THSD7B: variants seen among roughly 807,000 people sequenced by gnomAD.
The protein encoded by THSD7B is thrombospondin type-1 domain-containing protein 7B.
A neutral mutation model predicts 213.6 loss-of-function variants in THSD7B; 138 were observed. The observed-to-expected ratio is 0.65, with a 90% CI of 0.56 to 0.74. The LOEUF (loss-of-function observed/expected upper bound fraction) is 0.74, where lower values mean the gene tolerates loss of function less well. THSD7B is among the 30% of genes least tolerant of loss of function. The pLI is 0.00. For missense variants in THSD7B, 1,931 were observed against 1,991.5 expected, an observed-to-expected ratio of 0.97 and a Z score of 0.58; for synonymous variants, 742 against 687.0, an observed-to-expected ratio of 1.08 and a Z score of -1.25.
chr2:137,131,522 G>T (rs1254947396), intron 5 of THSD7B, among the ~76,000 whole-genome samples: 4 of 152,122 alleles, frequency 2.6e-5, no homozygotes, highest in Non-Finnish European at 4.4e-5. Context: ...GGTCTAACAG[G>T]TAAGTCTTTA....
intron 7 of THSD7B, among the ~76,000 whole-genome samples, chr2:137,215,177 C>T (rs1042408835): frequency 3.3e-5 from 5 of 152,124 alleles, no homozygotes; most frequent in East Asian, 3.9e-4. Flanking sequence ...ATTTCTCTAA[C>T]GACCAGTGAT....
chr2:136,876,320 T>A (rs6753914), intron 1 of THSD7B, among the ~76,000 whole-genome samples: 22,986 of 152,240 alleles, frequency 0.15, 2,137 homozygotes, highest in East Asian at 0.42. Flanking sequence ...CTTTGTAGGA[T>A]TCACCAGGAA....
chr2:137,613,918 T>C (rs1269866880), intron 17 of THSD7B, among the ~76,000 whole-genome samples: 1 of 152,150 alleles, frequency 6.6e-6, no homozygotes, highest in African/African-American at 2.4e-5. Context: ...ACATTAAACT[T>C]TCTATAAATA....
At chr2:136,766,691 C>G (rs1176423719) in intron 1 of THSD7B, among the ~76,000 whole-genome samples, 1 of 152,156 alleles carries the variant, frequency 6.6e-6, no homozygotes, top group South Asian at 2.1e-4. Context: ...TCAGAGCTTC[C>G]CATAAGAGGT....
At chr2:136,797,343 T>C (rs979793490) in intron 1 of THSD7B, among the ~76,000 whole-genome samples, 1 of 151,926 alleles carries the variant, frequency 6.6e-6, no homozygotes, top group African/African-American at 2.4e-5. Context: ...CCACACAAAT[T>C]AAATAACCCT....
At chr2:137,277,568 C>T (rs1469398615) in intron 12 of THSD7B, among the ~76,000 whole-genome samples, 3 of 152,088 alleles carry the variant, frequency 2.0e-5, no homozygotes, top group Non-Finnish European at 4.4e-5. Flanking sequence ...TGAGATCAAT[C>T]TCCTTTATAA....
intron 3 of THSD7B, among the ~76,000 whole-genome samples, chr2:137,093,264 A>AT (rs10654768): frequency 7.9e-5 from 12 of 152,002 alleles, no homozygotes; most frequent in African/African-American, 1.7e-4. Flanking sequence ...CCTTGTATCT[A>AT]CGTTCCTCCT....
intron 2 of THSD7B, among the ~76,000 whole-genome samples, chr2:136,997,350 A>T (rs755809081): frequency 6.6e-6 from 1 of 152,240 alleles, no homozygotes; most frequent in Admixed American, 6.5e-5. Flanking sequence ...ATAAGACAAC[A>T]TCTACGTGCT....
intron 12 of THSD7B, among the ~76,000 whole-genome samples, chr2:137,285,920 A>G (rs894607269): frequency 6.6e-6 from 1 of 151,920 alleles, no homozygotes; most frequent in Non-Finnish European, 1.5e-5. Context: ...CCTGACCAAC[A>G]TGGTGAAACC....
intron 5 of THSD7B, among the ~76,000 whole-genome samples, chr2:137,141,204 G>C (rs1679578558): frequency 6.6e-6 from 1 of 152,122 alleles, no homozygotes; most frequent in South Asian, 2.1e-4. Flanking sequence ...TTGAGATTTA[G>C]TTGAGTGACA....
chr2:137,132,965 A>C (rs1688769156), intron 5 of THSD7B, among the ~76,000 whole-genome samples: 1 of 152,222 alleles, frequency 6.6e-6, no homozygotes, highest in South Asian at 2.1e-4. Flanking sequence ...CTCTCTTTAC[A>C]AAACACTGAC....
chr2:137,000,952 A>T (rs1685988095), intron 2 of THSD7B, among the ~76,000 whole-genome samples: 1 of 152,034 alleles, frequency 6.6e-6, no homozygotes, highest in African/African-American at 2.4e-5. Context: ...TGCTTATTTT[A>T]CTCTCATGAG....
intron 20 of THSD7B, among the ~76,000 whole-genome samples, chr2:137,629,342 C>A (rs1365966840): frequency 6.6e-6 from 1 of 152,192 alleles, no homozygotes; most frequent in African/African-American, 2.4e-5. Flanking sequence ...TGTACCAAGT[C>A]ACTGAAACAT....
intron 2 of THSD7B, among the ~76,000 whole-genome samples, chr2:136,948,968 TA>T (rs963274861): frequency 3.3e-5 from 5 of 152,106 alleles, no homozygotes; most frequent in African/African-American, 1.2e-4. Flanking sequence ...ATTGGTTTTT[TA>T]AAAAAAATTG....
chr2:137,549,119 C>T (rs557653777), intron 15 of THSD7B, among the ~76,000 whole-genome samples: 7 of 152,020 alleles, frequency 4.6e-5, no homozygotes, highest in African/African-American at 1.4e-4. Flanking sequence ...GGCTTAAACT[C>T]ATTCTCCTCC....
At chr2:137,585,800 A>T (rs1573726326) in intron 17 of THSD7B, among the ~76,000 whole-genome samples, 2 of 152,300 alleles carry the variant, frequency 1.3e-5, no homozygotes, top group East Asian at 3.9e-4. Context: ...TGGTTCTGAG[A>T]AGAATGTATA....
intron 1 of THSD7B, among the ~76,000 whole-genome samples, chr2:136,857,723 AT>A (rs1328013305): frequency 6.6e-6 from 1 of 152,230 alleles, no homozygotes; most frequent in Non-Finnish European, 1.5e-5. Context: ...GAAGGTTCAG[AT>A]CTGGGTTGCT....
chr2:137,220,243 GAAA>G (rs3083552), intron 7 of THSD7B, among the ~76,000 whole-genome samples: 12 of 149,954 alleles, frequency 8.0e-5, no homozygotes, highest in African/African-American at 2.4e-4. Context: ...TTAGAAAATG[GAAA>G]AAAAAAAGAC....
At chr2:137,505,913 A>T (rs1006415121) in intron 15 of THSD7B, among the ~76,000 whole-genome samples, 21 of 152,214 alleles carry the variant, frequency 1.4e-4, no homozygotes, top group Admixed American at 3.3e-4. Flanking sequence ...GCTAGTTATA[A>T]TAACTGGCAT....
Sources: allele counts gnomAD v4.1 joint callset (sites outside exome capture counted in the v4.1 genomes callset), GRCh38; gene constraint gnomAD v4.1.1; transcripts MANE v1.5; gene names NCBI Gene and HGNC (gene_info 2026-07-23, HGNC 2026-07-21).